Variants in LUZP2 observed in about 807,000 individuals in gnomAD.
LUZP2 encodes leucine zipper protein 2.
Under a neutral mutation model 51.6 loss-of-function variants are expected in LUZP2, and 52 were observed. That is an observed-to-expected ratio of 1.01 (90% CI 0.81 to 1.27). LUZP2 has a LOEUF of 1.27. Among genes scored for constraint, LUZP2 ranks in the 50% most tolerant of loss-of-function variants. LUZP2 has a pLI of 0.00. For missense variants in LUZP2, 436 were observed against 395.4 expected (o/e 1.10, Z -0.87); for synonymous variants, 154 against 137.3 (o/e 1.12, Z -0.85).
intron 7 of LUZP2, among the ~76,000 whole-genome samples, chr11:24,958,967 A>C (rs532166593): frequency 5.3e-5 from 8 of 152,168 alleles, no homozygotes; most frequent in Admixed American, 3.3e-4. Flanking sequence ...TCAGCTTTCT[A>C]CATATGGCTA....
chr11:25,043,582 T>TGA (rs1305115920), intron 9 of LUZP2, among the ~76,000 whole-genome samples: 15 of 151,780 alleles, frequency 9.9e-5, no homozygotes, highest in Admixed American at 8.6e-4. Context: ...CCAGGATATA[T>TGA]GATATATATA....
intron 1 of LUZP2, among the ~76,000 whole-genome samples, chr11:24,724,802 T>C (rs991186041): frequency 1.3e-5 from 2 of 152,110 alleles, no homozygotes; most frequent in African/African-American, 4.8e-5. Context: ...TGACAACTAA[T>C]AAAGATGTTC....
intron 9 of LUZP2, among the ~76,000 whole-genome samples, chr11:24,994,511 G>C (rs1378300851): frequency 6.6e-6 from 1 of 152,168 alleles, no homozygotes; most frequent in Non-Finnish European, 1.5e-5. Flanking sequence ...GACAGTGTTT[G>C]CAGTGACTAT....
At chr11:24,655,203 A>G (rs116076738) in intron 1 of LUZP2, among the ~76,000 whole-genome samples, 1,726 of 152,298 alleles carry the variant, frequency 0.011, 35 homozygotes, top group African/African-American at 0.04. Context: ...ATTTGTGCCA[A>G]CAGAGACTTT....
chr11:24,789,441 G>A (rs1849343914), intron 5 of LUZP2, among the ~76,000 whole-genome samples: 1 of 152,044 alleles, frequency 6.6e-6, no homozygotes, highest in African/African-American at 2.4e-5. Context: ...CTCCCTACAT[G>A]TTAGCAAATA....
intron 7 of LUZP2, among the ~76,000 whole-genome samples, chr11:24,918,077 A>G (rs1472219853): frequency 6.6e-6 from 1 of 151,852 alleles, no homozygotes; most frequent in Non-Finnish European, 1.5e-5. Context: ...ATTCCTAGGT[A>G]TTGTATTCTC....
At chr11:24,582,950 G>A (rs1214042465) in intron 1 of LUZP2, among the ~76,000 whole-genome samples, 3 of 152,150 alleles carry the variant, frequency 2.0e-5, no homozygotes, top group Admixed American at 6.6e-5. Flanking sequence ...GAGTCTAGAA[G>A]AGAGAATAGG....
intron 5 of LUZP2, among the ~76,000 whole-genome samples, chr11:24,773,580 G>A (rs11827414): frequency 0.08 from 12,240 of 152,186 alleles, 1,069 homozygotes; most frequent in African/African-American, 0.22. Context: ...ATCAGCAGCC[G>A]GTGTTGGGAG....
chr11:24,764,490 T>TAAAAAAAAAAAAAAAAAAAAAAA (rs869045272), intron 5 of LUZP2, among the ~76,000 whole-genome samples: 15 of 94,032 alleles, frequency 1.6e-4, no homozygotes, highest in Non-Finnish European at 2.8e-4. Context: ...ATCTCATCTC[T>TAAAAAAAAAAAAAAAAAAAAAAA]AAAAAAAAAA....
At chr11:24,982,677 C>A (rs1057062837) in intron 8 of LUZP2, among the ~76,000 whole-genome samples, 4 of 151,548 alleles carry the variant, frequency 2.6e-5, no homozygotes, top group African/African-American at 9.7e-5. Flanking sequence ...GGCTGAGGAC[C>A]TGGGAGATGA....
intron 1 of LUZP2, among the ~76,000 whole-genome samples, chr11:24,699,156 C>G (rs898960513): frequency 6.6e-6 from 1 of 150,388 alleles, no homozygotes; most frequent in African/African-American, 2.4e-5. Context: ...TATTCATTTG[C>G]AAACTACTGA....
intron 1 of LUZP2, among the ~76,000 whole-genome samples, chr11:24,526,004 C>G (rs145193238): frequency 1.3e-3 from 199 of 151,376 alleles, no homozygotes; most frequent in African/African-American, 4.5e-3. Context: ...AGACACCAGA[C>G]CAAAATAGCA....
At chr11:25,020,357 C>T (rs1274736255) in intron 9 of LUZP2, among the ~76,000 whole-genome samples, 1 of 151,990 alleles carries the variant, frequency 6.6e-6, no homozygotes, top group African/African-American at 2.4e-5. Flanking sequence ...GATAATTAAT[C>T]TCCCCATTTA....
intron 1 of LUZP2, among the ~76,000 whole-genome samples, chr11:24,517,009 T>G (rs1320404991): frequency 7.2e-5 from 11 of 152,228 alleles, no homozygotes; most frequent in Non-Finnish European, 1.5e-4. Flanking sequence ...AATTTCTTAT[T>G]ACCATCTGTT....
chr11:25,037,495 T>C (rs1003821686), intron 9 of LUZP2, among the ~76,000 whole-genome samples: 1 of 152,150 alleles, frequency 6.6e-6, no homozygotes, highest in Non-Finnish European at 1.5e-5. Context: ...GATTCTGTCA[T>C]TGTGTTGTTA....
chr11:24,907,897 A>T (rs1359965853), intron 6 of LUZP2, among the ~76,000 whole-genome samples: 1 of 152,062 alleles, frequency 6.6e-6, no homozygotes, highest in Non-Finnish European at 1.5e-5. Flanking sequence ...ATTGAAATGT[A>T]TTGTCATGCC....
chr11:24,855,126 G>C (rs751187434), intron 5 of LUZP2, among the ~76,000 whole-genome samples: 13 of 152,098 alleles, frequency 8.5e-5, no homozygotes, highest in Admixed American at 2.6e-4. Context: ...GAAAGTCCTA[G>C]CCAGAGCAAT....
chr11:24,521,211 CATGGTG>C (rs1850628756), intron 1 of LUZP2, among the ~76,000 whole-genome samples: 2 of 151,980 alleles, frequency 1.3e-5, no homozygotes, highest in South Asian at 4.1e-4. Flanking sequence ...GTTAGTCAGG[CATGGTG>C]GCGTGGGCCT....
intron 9 of LUZP2, among the ~76,000 whole-genome samples, chr11:24,985,014 T>G (rs926570145): frequency 6.6e-6 from 1 of 151,840 alleles, no homozygotes; most frequent in African/African-American, 2.4e-5. Context: ...AGAAAATTCA[T>G]TTGAAATACT....
Sources: gnomAD v4.1 joint callset for allele counts (sites outside exome capture counted in the v4.1 genomes callset) on GRCh38, gnomAD v4.1.1 for gene constraint, MANE v1.5 for transcripts, NCBI Gene and HGNC (gene_info 2026-07-23, HGNC 2026-07-21) for gene names.